Variants in SHISAL2B observed in about 807,000 individuals in gnomAD.
The protein encoded by SHISAL2B is protein shisa-like-2B.
Under a neutral mutation model 16.5 loss-of-function variants are expected in SHISAL2B, and 12 were observed. The ratio of observed to expected loss-of-function variants is 0.73; its 90% CI spans 0.47 to 1.18. SHISAL2B has a LOEUF of 1.18. Among genes scored for constraint, SHISAL2B ranks in the 50% most tolerant of loss-of-function variants. The probability of loss-of-function intolerance (pLI) is 0.00; values close to 1 mark genes in which losing one functional copy is unlikely to be tolerated. For synonymous variants in SHISAL2B, 72 were observed against 75.0 expected (o/e 0.96, Z 0.21); for missense variants, 183 against 193.6 (o/e 0.95, Z 0.33).
chr5:64,707,329 CCTCTT>C (rs1473946278), intron 2 of SHISAL2B, among the ~76,000 whole-genome samples: 2 of 152,084 alleles, frequency 1.3e-5, no homozygotes, highest in Admixed American at 1.3e-4. Flanking sequence ...AATTTCCTCT[CCTCTT>C]GAGGTCCCAG....
intron 2 of SHISAL2B, among the ~76,000 whole-genome samples, chr5:64,708,334 A>C (rs933346711): frequency 1.3e-5 from 2 of 152,206 alleles, no homozygotes; most frequent in Non-Finnish European, 2.9e-5. Flanking sequence ...TGACTTTAGA[A>C]AGTGTGTCAA....
chr5:64,713,266 C>T (rs1319810944), intron 2 of SHISAL2B, among the ~76,000 whole-genome samples: 2 of 146,904 alleles, frequency 1.4e-5, no homozygotes, highest in African/African-American at 2.6e-5. Context: ...ATTTGCTTGT[C>T]TGTAAAGTAT....
chr5:64,713,774 C>T (rs1238942211), intron 2 of SHISAL2B, among the ~76,000 whole-genome samples: 3 of 123,182 alleles, frequency 2.4e-5, no homozygotes, highest in African/African-American at 1.2e-4. Flanking sequence ...TCCCTTCTCG[C>T]TTCATTTCAT....
At chr5:64,717,661 G>GGAAGCATGGAGGAAAAAAGT (rs1742076472) in intron 2 of SHISAL2B, among the ~76,000 whole-genome samples, 1 of 152,126 alleles carries the variant, frequency 6.6e-6, no homozygotes, top group African/African-American at 2.4e-5. Flanking sequence ...AGGAAAAAAG[G>GGAAGCATGGAGGAAAAAAGT]TAAGCATGGA....
intron 2 of SHISAL2B, among the ~76,000 whole-genome samples, chr5:64,706,214 C>CA (rs2112066547): frequency 6.6e-6 from 1 of 152,282 alleles, no homozygotes; most frequent in Admixed American, 6.5e-5. Context: ...TAAGGTGAGA[C>CA]AACACCAGGT....
chr5:64,710,609 T>A (rs1741944755), intron 2 of SHISAL2B, among the ~76,000 whole-genome samples: 1 of 89,212 alleles, frequency 1.1e-5, no homozygotes, highest in East Asian at 2.9e-4. Flanking sequence ...TGGCATTGAA[T>A]CTGTAAATTA....
chr5:64,693,528 T>G (rs1176165255), intron 1 of SHISAL2B, among the ~76,000 whole-genome samples: 1 of 152,198 alleles, frequency 6.6e-6, no homozygotes, highest in African/African-American at 2.4e-5. Flanking sequence ...TAAATTACAT[T>G]TTTACCTTGA....
chr5:64,714,624 C>T (rs1224839897), intron 2 of SHISAL2B, among the ~76,000 whole-genome samples: 1 of 152,158 alleles, frequency 6.6e-6, no homozygotes, highest in Non-Finnish European at 1.5e-5. Flanking sequence ...CAATGGTGGG[C>T]GCCCCTCCCC....
Position 64,718,050 on chromosome 5 carries a change from C to T in SHISAL2B, c.*28C>T, listed in dbSNP as rs1742085357. On this transcript the variant is annotated 3_prime_UTR_variant, in exon 3 of 3. Coordinates refer to ENST00000389074, the MANE Select transcript of SHISAL2B (RefSeq NM_001164442.2). Reference sequence around the variant, plus strand: ...AAAAATTCTGTGTTTTAAATGCTTACTGGAGAGATGGGACAATAAAAATAA... The same window carrying T: ...AAAAATTCTGTGTTTTAAATGCTTATTGGAGAGATGGGACAATAAAAATAA... The T allele has an allele frequency of 6.8e-7, 1 of 1,473,544 alleles. No homozygotes were observed. 91.3% of individuals were successfully genotyped at this position (1,473,544 alleles called of 1,614,324 possible).
chr5:64,693,833 C>T (rs929288916), intron 1 of SHISAL2B, among the ~76,000 whole-genome samples: 1 of 152,108 alleles, frequency 6.6e-6, no homozygotes, highest in African/African-American at 2.4e-5. Context: ...CATAAAATTC[C>T]CCAGCCTTCA....
At chr5:64,697,920 A>G (rs915331462) in intron 2 of SHISAL2B, among the ~76,000 whole-genome samples, 1 of 152,128 alleles carries the variant, frequency 6.6e-6, no homozygotes, top group African/African-American at 2.4e-5. Flanking sequence ...TGTAGAGGAG[A>G]TCTCTCAGAG....
chr5:64,695,547 T>G lies in SHISAL2B; in HGVS notation c.232T>G (p.Leu78Val). The change falls in exon 2 of 3, where the codon TTA (leucine) becomes GTA (valine). Residue 78 changes from leucine (L) to valine (V), a missense_variant. By Grantham distance (32) the Leu-to-Val change is conservative (BLOSUM62 1). Transcript: ENST00000389074. Reference sequence around the variant, plus strand: ...TGGACTAGGAATTGCTGCCCTTGTTTTACTCGCCTTTGTCATCAGTGTCTG... The same window carrying G: ...TGGACTAGGAATTGCTGCCCTTGTTGTACTCGCCTTTGTCATCAGTGTCTG... ...LIGLGIAALVLLAFVISVCVL... is the reference protein window; with the variant it reads ...LIGLGIAALVVLAFVISVCVL... 1 of 1,536,520 alleles carries G rather than the reference T, an allele frequency of 6.5e-7. No individual in the cohort carries two copies. Among genetic ancestry groups the G allele is most frequent in the Non-Finnish European group, 8.7e-7 (1 of 1,146,622 alleles).
At chr5:64,694,547 C>G (rs1354678044) in intron 1 of SHISAL2B, among the ~76,000 whole-genome samples, 1 of 152,152 alleles carries the variant, frequency 6.6e-6, no homozygotes, top group Non-Finnish European at 1.5e-5. Context: ...CAGACGGAAT[C>G]ATTACAAATT....
chr5:64,711,023 T>A (rs1378225324), intron 2 of SHISAL2B, among the ~76,000 whole-genome samples: 4 of 142,048 alleles, frequency 2.8e-5, no homozygotes, highest in South Asian at 2.3e-4. Context: ...ATTGAATACC[T>A]TTTATTTCCT....
Position 64,718,051 on chromosome 5 carries a change from TG to T in SHISAL2B, c.*31del. The T allele has an allele frequency of 6.8e-7, 1 of 1,469,526 alleles. No homozygotes were observed. The highest frequency in any genetic ancestry group is 8.9e-7 in the Non-Finnish European group (1 of 1,122,380). The allele number at this position is 1,469,526 out of a possible 1,614,324, so 91.0% of individuals were successfully genotyped here. ...AAAATTCTGTGTTTTAAATGCTTAC[TG>T]GAGAGATGGGACAATAAAAATAAAG... On this transcript the variant is annotated 3_prime_UTR_variant, in exon 3 of 3. Coordinates refer to ENST00000389074, the MANE Select transcript of SHISAL2B (RefSeq NM_001164442.2).
intron 2 of SHISAL2B, among the ~76,000 whole-genome samples, chr5:64,706,604 C>G (rs1370260248): frequency 6.6e-6 from 1 of 152,118 alleles, no homozygotes; most frequent in Non-Finnish European, 1.5e-5. Flanking sequence ...ATGATTAATT[C>G]CTAGATGGGT....
Position 64,708,437 on chromosome 5 carries a change from A to G in SHISAL2B, c.350-9452A>G, listed in dbSNP as rs537790780. ...ATTTAACCAAAGGGATAACATAAAG[A>G]TTTCAAAAACAGGTGAAAACCTTTA... On this transcript the variant is annotated intron_variant, in intron 2 of 2. Transcript: ENST00000389074. Among the ~76,000 whole-genome samples the G allele has an allele frequency of 1.1e-3, 170 of 152,326 alleles. 4 individuals are homozygous for G. The South Asian group carries it at 0.027, about 24-fold the overall frequency.
chr5:64,709,478 A>G (rs1741924093), intron 2 of SHISAL2B, among the ~76,000 whole-genome samples: 1 of 143,464 alleles, frequency 7.0e-6, no homozygotes, highest in Non-Finnish European at 1.5e-5. Context: ...TGCTATTGTG[A>G]ATAATGCCGC....
At chr5:64,704,738 T>C (rs1254890524) in intron 2 of SHISAL2B, among the ~76,000 whole-genome samples, 2 of 152,128 alleles carry the variant, frequency 1.3e-5, no homozygotes, top group East Asian at 1.9e-4. Context: ...CCCTATTTTG[T>C]TGGTTAAGAA....
Sources: gnomAD v4.1 joint callset for allele counts (sites outside exome capture counted in the v4.1 genomes callset) on GRCh38, gnomAD v4.1.1 for gene constraint, MANE v1.5 for transcripts, NCBI Gene and HGNC (gene_info 2026-07-23, HGNC 2026-07-21) for gene names.